The following PLA2G5 variants were observed in gnomAD, a reference collection of about 807,000 sequenced individuals.
PLA2G5 encodes phospholipase A2 group V.
PLA2G5 carries 12 observed loss-of-function variants against 15.9 expected under a neutral mutation model. The ratio of observed to expected loss-of-function variants is 0.76; its 90% CI spans 0.48 to 1.23. The LOEUF (loss-of-function observed/expected upper bound fraction) is 1.23. Among genes scored for constraint, PLA2G5 ranks in the 50% most tolerant of loss-of-function variants. The pLI is 0.00. For synonymous variants in PLA2G5, 71 were observed against 71.4 expected (o/e 0.99, Z 0.03); for missense variants, 169 against 177.1 (o/e 0.95, Z 0.26).
intron 2 of PLA2G5, among the ~76,000 whole-genome samples, chr1:20,060,632 G>A (rs1256179876): frequency 6.6e-6 from 1 of 151,974 alleles, no homozygotes; most frequent in Non-Finnish European, 1.5e-5. Context: ...CCTTTTAGCA[G>A]GTGGTTTTAA....
At chr1:20,034,766 A>G (rs944684099) in intron 1 of PLA2G5, among the ~76,000 whole-genome samples, 2 of 152,176 alleles carry the variant, frequency 1.3e-5, no homozygotes, top group Non-Finnish European at 2.9e-5. Context: ...AACAAGGTAG[A>G]TAGTGAGGAA....
At chr1:20,068,273 A>G (rs181362193), upstream of PLA2G5, among the ~76,000 whole-genome samples, 66 of 152,354 alleles carry the variant, frequency 4.3e-4, 1 homozygote, top group Admixed American at 1.6e-3. Context: ...ATAAACTCCA[A>G]ATGAATTAAA....
At chr1:20,071,409 A>G (rs1325580830) in intron 1 of PLA2G5, among the ~76,000 whole-genome samples, 1 of 152,160 alleles carries the variant, frequency 6.6e-6, no homozygotes, top group South Asian at 2.1e-4. Flanking sequence ...GATTGATTTC[A>G]TCAATAAATA....
intron 1 of PLA2G5, among the ~76,000 whole-genome samples, chr1:20,033,181 G>A (rs2013060598): frequency 6.6e-6 from 1 of 152,188 alleles, no homozygotes; most frequent in Admixed American, 6.5e-5. Context: ...GAGAGCATTG[G>A]ATTCTAGGAG....
chr1:20,030,790 C>G (rs145435563), intron 1 of PLA2G5, among the ~76,000 whole-genome samples: 6 of 152,272 alleles, frequency 3.9e-5, no homozygotes, highest in Admixed American at 3.9e-4. Context: ...AGCATACTGC[C>G]TGCAAACACA....
intron 1 of PLA2G5, among the ~76,000 whole-genome samples, chr1:20,038,799 G>A (rs2013424993): frequency 1.3e-5 from 2 of 152,124 alleles, no homozygotes. Context: ...AAAAGGATAA[G>A]TAATAATAGT....
intron 1 of PLA2G5, among the ~76,000 whole-genome samples, chr1:20,043,671 G>A (rs986168603): frequency 6.6e-6 from 1 of 152,150 alleles, no homozygotes; most frequent in Non-Finnish European, 1.5e-5. Flanking sequence ...AAGGGAACAG[G>A]GCAGGTAGGG....
At chr1:20,069,206 G>C (rs1389820500), upstream of PLA2G5, among the ~76,000 whole-genome samples, 1 of 152,150 alleles carries the variant, frequency 6.6e-6, no homozygotes, top group Non-Finnish European at 1.5e-5. Flanking sequence ...GAGTATTTTA[G>C]GAATGACTGG....
At chr1:20,087,531 C>T (rs917025121) in intron 3 of PLA2G5, among the ~76,000 whole-genome samples, 4 of 151,764 alleles carry the variant, frequency 2.6e-5, no homozygotes, top group Non-Finnish European at 4.4e-5. Context: ...GTAGCATATA[C>T]GTTTTTTTTT....
At chr1:20,028,463 C>T (rs1211176582) in exon 1 of PLA2G5, 1 of 152,134 alleles carries the variant, frequency 6.6e-6, no homozygotes, top group Non-Finnish European at 1.5e-5. Context: ...GCAGATTGGA[C>T]TTTCTTGCCT....
At position 20,087,492 on chromosome 1, in the gene PLA2G5, C is replaced by A. The variant is rs180807401; in HGVS notation, c.185+1265C>A. ...CACTGCAAGCTCCGCCTCCTGGGTT[C>A]ATGCCGTTCTCCTGCCTCAGTCTCC... is the stretch of plus-strand genomic sequence containing the variant. On this transcript the variant is annotated intron_variant, in intron 3 of 4. Coordinates refer to ENST00000375108, the MANE Select transcript of PLA2G5 (RefSeq NM_000929.3). 3.9e-5 allele frequency among the ~76,000 whole-genome samples: 6 copies of A among 152,136 alleles called. No individual in the cohort carries two copies. In the East Asian group the frequency reaches 1.2e-3, roughly 29 times the overall value.
intron 1 of PLA2G5, among the ~76,000 whole-genome samples, chr1:20,029,641 C>T (rs1054521837): frequency 5.9e-5 from 9 of 152,132 alleles, no homozygotes; most frequent in African/African-American, 2.2e-4. Context: ...TTCCTCTACC[C>T]AGCACGTCCC....
chr1:20,049,528 C>G (rs566525550), intron 1 of PLA2G5, among the ~76,000 whole-genome samples: 42 of 152,268 alleles, frequency 2.8e-4, no homozygotes, highest in Non-Finnish European at 4.9e-4. Flanking sequence ...GGGAAGGACA[C>G]AGTGGGAGGT....
chr1:20,063,727 A>G (rs1428300751), intron 2 of PLA2G5: 1 of 152,238 alleles, frequency 6.6e-6, no homozygotes, highest in Non-Finnish European at 1.5e-5. Context: ...AGCTCTTAAC[A>G]CAGATGGAGC....
At chr1:20,085,614 G>A (rs1387740671) in intron 2 of PLA2G5, among the ~76,000 whole-genome samples, 4 of 152,184 alleles carry the variant, frequency 2.6e-5, no homozygotes, top group Admixed American at 6.5e-5. Context: ...GGGGAAGAGG[G>A]ATGTATTGCC....
chr1:20,034,669 G>A (rs1157956591), intron 1 of PLA2G5, among the ~76,000 whole-genome samples: 1 of 152,084 alleles, frequency 6.6e-6, no homozygotes, highest in East Asian at 1.9e-4. Context: ...GGAAATGGAG[G>A]GGTTTTGGAG....
upstream of PLA2G5, among the ~76,000 whole-genome samples, chr1:20,068,217 T>C (rs1208801526): frequency 6.6e-6 from 1 of 152,230 alleles, no homozygotes; most frequent in Non-Finnish European, 1.5e-5. Context: ...TTGACTTTCC[T>C]TACGGGTAAA....
intron 1 of PLA2G5, among the ~76,000 whole-genome samples, chr1:20,079,995 G>C (rs2015917232): frequency 6.6e-6 from 1 of 152,192 alleles, no homozygotes. Context: ...AAAAGTTGGG[G>C]GTTGGCAAGT....
chr1:20,038,419 G>C (rs1218292792), intron 1 of PLA2G5, among the ~76,000 whole-genome samples: 8 of 152,112 alleles, frequency 5.3e-5, no homozygotes, highest in Admixed American at 2.6e-4. Context: ...CGTCAGAAAT[G>C]GCTTTCCTGG....
Sources: allele counts gnomAD v4.1 joint callset (sites outside exome capture counted in the v4.1 genomes callset), GRCh38; gene constraint gnomAD v4.1.1; transcripts MANE v1.5; gene names NCBI Gene and HGNC (gene_info 2026-07-23, HGNC 2026-07-21).